The following ZNF490 variants were observed in gnomAD, a reference collection of about 807,000 sequenced individuals.
The protein encoded by ZNF490 is zinc finger protein 490.
Under a neutral mutation model 17.7 loss-of-function variants are expected in ZNF490, and 11 were observed. The observed-to-expected ratio is 0.62, with a 90% CI of 0.39 to 1.03. The LOEUF (loss-of-function observed/expected upper bound fraction) is 1.03, where lower values mean the gene tolerates loss of function less well. Among genes scored for constraint, ZNF490 ranks in the 50% least tolerant of loss-of-function variants. The pLI is 0.00. For synonymous variants in ZNF490, 222 were observed against 216.1 expected, an observed-to-expected ratio of 1.03 and a Z score of -0.24; for missense variants, 542 against 643.4, an observed-to-expected ratio of 0.84 and a Z score of 1.71.
chr19:12,610,079 C>A (rs1448741439), intron 1 of ZNF490: 1 of 405,874 alleles, frequency 2.5e-6, no homozygotes, highest in African/African-American at 2.1e-5. Context: ...CAGAGTAAAA[C>A]GCAGTTTACT....
At chr19:12,581,888 C>T (rs532423467) in intron 4 of ZNF490, among the ~76,000 whole-genome samples, 164 bp from the exon 5 acceptor site, 2 of 152,056 alleles carry the variant, frequency 1.3e-5, no homozygotes, top group South Asian at 2.1e-4. Flanking sequence ...TAGAACAGGC[C>T]GTGACCATAG....
At chr19:12,583,668 G>T in intron 2 of ZNF490, 112 bp from the exon 3 acceptor site, 2 of 1,087,532 alleles carry the variant, frequency 1.8e-6, no homozygotes, top group Non-Finnish European at 1.2e-6. Context: ...CGGTTTAGTG[G>T]TATAACTTGG....
In ZNF490 at chr19:12,583,811, A is replaced by ATTTTTT. The variant is rs879747918; in HGVS notation, c.163-261_163-256dup. 8.4e-4 allele frequency among the ~76,000 whole-genome samples: 66 copies of ATTTTTT among 78,646 alleles called. 1 individual carries two copies. The highest frequency in any genetic ancestry group is 3.2e-3 in the African/African-American group (63 of 19,624). The allele number at this position is 78,646 out of a possible 152,430, so 51.6% of individuals were successfully genotyped here. A position where few individuals can be genotyped will look rare whatever the true frequency, so the allele number is the denominator to read the frequency against. On this transcript the variant is annotated intron_variant, in intron 2 of 4. Transcript: ENST00000311437. Reference sequence around the variant, plus strand: ...TCTCTCTATATATATATATATATATATTTTTTTTTTTTTTTTTTTGAAACA... The same window carrying ATTTTTT: ...TCTCTCTATATATATATATATATATATTTTTTTTTTTTTTTTTTTTTTTTTGAAACA...
chr19:12,600,256 A>G (rs1327461771), intron 2 of ZNF490, among the ~76,000 whole-genome samples: 1 of 151,860 alleles, frequency 6.6e-6, no homozygotes, highest in Non-Finnish European at 1.5e-5. Flanking sequence ...AGTCCCAGCT[A>G]CTCGGGAGGC....
chr19:12,599,430 T>C (rs1021235502), intron 2 of ZNF490, among the ~76,000 whole-genome samples: 6 of 152,110 alleles, frequency 3.9e-5, no homozygotes, highest in Non-Finnish European at 7.4e-5. Flanking sequence ...TTAAAGGTGT[T>C]TAGGCCTCCT....
Position 12,582,898 on chromosome 19 carries a change from T to C in ZNF490, c.302A>G (p.Lys101Arg), listed in dbSNP as rs1447714674. The change falls in exon 4 of 5, where the codon AAA becomes AGA. Residue 101 changes from lysine to arginine, a missense_variant. By Grantham distance (26) the Lys-to-Arg change is conservative. Transcript: ENST00000311437. ...GTGTTCATCTTCAATATCCTGGTCT[T>C]TCCATTTTTCCCCTAAAATACAAGC... The part of the protein sequence containing the change: ...KNLACIGEKW[K>R]DQDIEDEHKN... 6.2e-7 allele frequency: 1 copy of C among 1,612,120 alleles called. No individual in the cohort carries two copies. The highest frequency in any genetic ancestry group is 8.5e-7 in the Non-Finnish European group (1 of 1,179,242).
chr19:12,583,346 C>T (rs2022764671), intron 3 of ZNF490, 84 bp downstream of exon 3: 5 of 1,453,210 alleles, frequency 3.4e-6, no homozygotes, highest in Non-Finnish European at 3.7e-6. Context: ...GCCCCTTCCC[C>T]CATTTTAAAC....
At chr19:12,600,797 T>C (rs1377914306) in intron 2 of ZNF490, among the ~76,000 whole-genome samples, 1 of 152,102 alleles carries the variant, frequency 6.6e-6, no homozygotes, top group Non-Finnish European at 1.5e-5. Flanking sequence ...ACTTTGGAGA[T>C]TGTGACATCA....
intron 2 of ZNF490, among the ~76,000 whole-genome samples, chr19:12,590,838 G>A (rs957230397): frequency 6.6e-6 from 1 of 151,850 alleles, no homozygotes; most frequent in Non-Finnish European, 1.5e-5. Flanking sequence ...AGCACTTTGG[G>A]AGGCTAAGAT....
rs2022812408 is a variant in ZNF490 at position 12,587,057 on chromosome 19, T to G, written c.163-3501A>C. 2.9e-5 allele frequency among the ~76,000 whole-genome samples: 2 copies of G among 70,062 alleles called. 1 individual carries two copies. The highest frequency in any genetic ancestry group is 8.1e-4 in the South Asian group (2 of 2,474). The allele number at this position is 70,062 out of a possible 152,430, so 46.0% of individuals were successfully genotyped here. On this transcript the variant is annotated intron_variant, in intron 2 of 4. Coordinates refer to ENST00000311437, the MANE Select transcript of ZNF490 (RefSeq NM_020714.3). The stretch of plus-strand genomic sequence containing the variant: ...CCAGCCTGGGCAACAGGAATAAAAC[T>G]CCATCTCAAAAAAAAAAAAAGAAAA...
In ZNF490 at chr19:12,609,142, T is replaced by TAGCG; in HGVS notation, c.162+12_162+15dup. 1.2e-6 allele frequency: 2 copies of TAGCG among 1,613,680 alleles called. No homozygotes were observed. Among genetic ancestry groups the TAGCG allele is most frequent in the Non-Finnish European group, 8.5e-7 (1 of 1,179,638 alleles). ...CAAGGAAGGTAGCCACGCTGACAGG[T>TAGCG]AGCGATCTCACTTACAGTTTGAGTC... On this transcript the variant is annotated intron_variant, in intron 2 of 4. Transcript: ENST00000311437.
intron 2 of ZNF490, among the ~76,000 whole-genome samples, chr19:12,585,374 G>A (rs1463184959): frequency 1.1e-5 from 1 of 92,752 alleles, no homozygotes; most frequent in Non-Finnish European, 2.9e-5. Context: ...TCTCTCCCCC[G>A]ACTTTGGGGG....
intron 2 of ZNF490, among the ~76,000 whole-genome samples, chr19:12,608,406 C>G (rs1460587017): frequency 2.6e-5 from 4 of 152,044 alleles, no homozygotes; most frequent in Non-Finnish European, 5.9e-5. Flanking sequence ...CTCCCGAGGA[C>G]CTGGGACTAT....
At chr19:12,609,126 T>C (rs1440541691) in intron 2 of ZNF490, 32 bp downstream of exon 2, 3 of 1,611,834 alleles carry the variant, frequency 1.9e-6, no homozygotes, top group East Asian at 4.5e-5. Context: ...ACAAGGAAGG[T>C]AGCCACGCTG....
At chr19:12,607,712 G>C (rs1402582772) in intron 2 of ZNF490, among the ~76,000 whole-genome samples, 1 of 149,014 alleles carries the variant, frequency 6.7e-6, no homozygotes, top group East Asian at 1.9e-4. Flanking sequence ...GACCAGCCTG[G>C]GCAACACAGC....
intron 2 of ZNF490, among the ~76,000 whole-genome samples, chr19:12,594,661 C>T (rs1161449895): frequency 6.6e-6 from 1 of 152,012 alleles, no homozygotes; most frequent in African/African-American, 2.4e-5. Context: ...GTGTTACCTC[C>T]TGAACATCAA....
At chr19:12,582,825 A>G (rs2022756236) in intron 4 of ZNF490, 25 bp downstream of exon 4, 1 of 1,546,226 alleles carries the variant, frequency 6.5e-7, no homozygotes. Context: ...CAGGGGCTAT[A>G]TAATTATTTG....
At position 12,610,673 on chromosome 19, in the gene ZNF490, C is replaced by T. The variant is rs1171862664; in HGVS notation, c.8G>A (p.Arg3Lys). ...CATCTGGAAACTGAGACTGGAATTCCTGCGCATCCCTGTCCCCGCATCCAG... is the reference window on the plus strand; with the variant it reads ...CATCTGGAAACTGAGACTGGAATTCTTGCGCATCCCTGTCCCCGCATCCAG... MR[R>K]NSSLSFQMER... The change falls in exon 1 of 5, where the codon AGG becomes AAG. Residue 3 changes from arginine (R) to lysine (K), a missense_variant. Physicochemically the swap from Arg to Lys is conservative, Grantham distance 26 (BLOSUM62 2). Coordinates refer to ENST00000311437, the MANE Select transcript of ZNF490 (RefSeq NM_020714.3). The T allele has an allele frequency of 6.2e-7, 1 of 1,613,718 alleles. No homozygotes were observed. Among genetic ancestry groups the T allele is most frequent in the South Asian group, 1.1e-5 (1 of 91,076 alleles).
chr19:12,609,128 GC>G, intron 2 of ZNF490, 29 bp downstream of exon 2: 1 of 1,612,090 alleles, frequency 6.2e-7, no homozygotes. Flanking sequence ...AAGGAAGGTA[GC>G]CACGCTGACA....
Sources: allele counts gnomAD v4.1 joint callset (sites outside exome capture counted in the v4.1 genomes callset), GRCh38; gene constraint gnomAD v4.1.1; transcripts MANE v1.5; gene names NCBI Gene and HGNC (gene_info 2026-07-23, HGNC 2026-07-21).